PIPOX: variants seen among roughly 807,000 people sequenced by gnomAD.
The protein encoded by PIPOX is pipecolic acid and sarcosine oxidase.
Under a neutral mutation model 47.9 loss-of-function variants are expected in PIPOX, and 45 were observed. The ratio of observed to expected loss-of-function variants is 0.94; its 90% CI spans 0.74 to 1.20. The LOEUF is 1.20. PIPOX is among the 50% of genes most tolerant of loss of function. The probability of loss-of-function intolerance (pLI) is 0.00; values close to 1 mark genes in which losing one functional copy is unlikely to be tolerated. For missense variants in PIPOX, 458 were observed against 498.4 expected (o/e 0.92, Z 0.77); for synonymous variants, 165 against 191.3 (o/e 0.86, Z 1.13).
chr17:29,045,395 G>C (rs1258372219), intron 2 of PIPOX, among the ~76,000 whole-genome samples: 1 of 144,232 alleles, frequency 6.9e-6, no homozygotes, highest in Non-Finnish European at 1.5e-5. Flanking sequence ...GCTGCTTTCA[G>C]GAGGATTCTT....
At chr17:29,043,361 C>A (rs890935752) in intron 1 of PIPOX, 22 bp downstream of exon 1, 1 of 1,553,094 alleles carries the variant, frequency 6.4e-7, no homozygotes, top group Non-Finnish European at 8.9e-7. Context: ...CTTCTGCACC[C>A]CCAGCTGTAA....
intron 6 of PIPOX, 139 bp from the exon 7 acceptor site, chr17:29,055,674 G>T: frequency 1.3e-6 from 1 of 747,810 alleles, no homozygotes; most frequent in Middle Eastern, 2.4e-4. Flanking sequence ...AGAGGGGCAC[G>T]GGCATGCGGA....
At chr17:29,045,557 C>T (rs922066225) in intron 2 of PIPOX, among the ~76,000 whole-genome samples, 15 of 151,530 alleles carry the variant, frequency 9.9e-5, no homozygotes, top group South Asian at 4.2e-4. Flanking sequence ...ACTACAGGTG[C>T]GCACCACCAC....
At position 29,054,949 on chromosome 17, in the gene PIPOX, T is replaced by C. The variant is rs554825660; in HGVS notation, c.808-114T>C. Reference sequence around the variant, plus strand: ...GACAGCCCACAGCACCTGCCAGGAGTGGGGAAGGCTGGAATGATGGATGGG... The same window carrying C: ...GACAGCCCACAGCACCTGCCAGGAGCGGGGAAGGCTGGAATGATGGATGGG... On this transcript the variant is annotated intron_variant, in intron 5 of 7. Transcript: ENST00000323372. 5 of 1,399,720 alleles carry C rather than the reference T, an allele frequency of 3.6e-6. No homozygotes were observed. The South Asian group carries it at 6.3e-5, about 18-fold the overall frequency. The allele number at this position is 1,399,720 out of a possible 1,614,324, so 86.7% of individuals were successfully genotyped here. A position where few individuals can be genotyped will look rare whatever the true frequency, so the allele number is the denominator to read the frequency against.
At chr17:29,052,092 C>T in intron 2 of PIPOX, 1 of 465,196 alleles carries the variant, frequency 2.1e-6, no homozygotes, top group Non-Finnish European at 4.5e-6. Context: ...AGGACCCTTT[C>T]CACAAAACAG....
Position 29,053,498 on chromosome 17 carries a change from C to A in PIPOX, c.563C>A (p.Thr188Asn). 1.2e-6 allele frequency: 2 copies of A among 1,614,168 alleles called. No individual in the cohort carries two copies. Among genetic ancestry groups the A allele is most frequent in the South Asian group, 1.1e-5 (1 of 91,080 alleles). The change falls in exon 4 of 8, where the codon ACC becomes AAC. Residue 188 changes from threonine (T) to asparagine (N), a missense_variant. Transcript: ENST00000323372. The stretch of plus-strand genomic sequence containing the variant: ...CCAGGGCTACTGGTCACGGTGAAAA[C>A]CACCTCCAGGAGCTACCAAGCTAAG... ...INPGLLVTVK[T>N]TSRSYQAKSL...
rs1025505783 is a variant in PIPOX, at chr17:29,056,659, G to A, written c.*354G>A. 8 of 243,446 alleles carry A rather than the reference G, an allele frequency of 3.3e-5. No homozygotes were observed. 15.1% of individuals were successfully genotyped at this position (243,446 alleles called of 1,614,324 possible). ...CAGTAAGAAGAGGGCACAAGAACTG[G>A]CTCTGGAGACCAAAGCAGTTGTTAA... On this transcript the variant is annotated 3_prime_UTR_variant, in exon 8 of 8. Transcript: ENST00000323372.
intron 2 of PIPOX, among the ~76,000 whole-genome samples, chr17:29,045,403 CTTTT>C (rs57047541): frequency 8.5e-3 from 434 of 50,940 alleles, no homozygotes; most frequent in Middle Eastern, 0.031. Context: ...CAGGAGGATT[CTTTT>C]TTTTTTTTTT....
intron 1 of PIPOX, 110 bp from the exon 2 acceptor site, chr17:29,044,749 T>C: frequency 8.7e-7 from 1 of 1,144,078 alleles, no homozygotes; most frequent in Non-Finnish European, 1.2e-6. Context: ...GTGGAAATAT[T>C]TGAAGGATAA....
In PIPOX at chr17:29,043,232, G is replaced by A. The variant is rs777750279; in HGVS notation, c.7G>A (p.Ala3Thr). Residue 3 changes from alanine to threonine, a missense_variant, in exon 1 of 8, where the codon GCT (alanine) becomes ACT (threonine). Coordinates refer to ENST00000323372, the MANE Select transcript of PIPOX (RefSeq NM_016518.3). Reference sequence around the variant, plus strand: ...TGTGGGGCTGAGTGGCATCATGGCGGCTCAGAAAGATCTCTGGGACGCCAT... The same window carrying A: ...TGTGGGGCTGAGTGGCATCATGGCGACTCAGAAAGATCTCTGGGACGCCAT... Reference protein sequence around the residue: MAAQKDLWDAIVI... With the variant: MATQKDLWDAIVI... 5.0e-6 allele frequency: 8 copies of A among 1,610,954 alleles called. No homozygotes were observed. In the South Asian group the frequency reaches 7.7e-5, roughly 16 times the overall value.
intron 2 of PIPOX, among the ~76,000 whole-genome samples, chr17:29,046,085 G>A (rs1418627417): frequency 6.6e-6 from 1 of 152,164 alleles, no homozygotes; most frequent in Non-Finnish European, 1.5e-5. Flanking sequence ...AGAGGTTAGT[G>A]TTCTGTTGCA....
At chr17:29,043,995 A>T (rs907100308) in intron 1 of PIPOX, among the ~76,000 whole-genome samples, 3 of 152,082 alleles carry the variant, frequency 2.0e-5, no homozygotes, top group Admixed American at 1.3e-4. Flanking sequence ...CCAGCTATCC[A>T]CTGCAGTGGA....
At chr17:29,055,304 C>A in intron 6 of PIPOX, 83 bp downstream of exon 6, 5 of 1,511,528 alleles carry the variant, frequency 3.3e-6, no homozygotes, top group Non-Finnish European at 2.7e-6. Flanking sequence ...CTGGCCAGGC[C>A]CGATTGTTTG....
rs1048678854 is a variant in PIPOX at position 29,043,213 on chromosome 17, G to A, written c.-13G>A. On this transcript the variant is annotated 5_prime_UTR_variant, in exon 1 of 8. Coordinates refer to ENST00000323372, the MANE Select transcript of PIPOX (RefSeq NM_016518.3). The stretch of plus-strand genomic sequence containing the variant: ...GCCTTTGAGGCTCTGTGGCTGTGGG[G>A]CTGAGTGGCATCATGGCGGCTCAGA... 3.8e-6 allele frequency: 6 copies of A among 1,599,594 alleles called. No homozygotes were observed. In the Admixed American group the frequency reaches 1.0e-4, roughly 27 times the overall value.
chr17:29,053,671 G>A (rs2065816180), intron 4 of PIPOX, 76 bp downstream of exon 4: 1 of 1,153,878 alleles, frequency 8.7e-7, no homozygotes. Flanking sequence ...TTTGAGTCCT[G>A]GATCTGCCTC....
rs990337716 is a variant in PIPOX at position 29,044,983 on chromosome 17, A to G, written c.239A>G (p.His80Arg). 1.2e-6 allele frequency: 2 copies of G among 1,610,990 alleles called. No homozygotes were observed. Among genetic ancestry groups the G allele is most frequent in the South Asian group, 1.1e-5 (1 of 90,630 alleles). The change falls in exon 2 of 8, where the codon CAC becomes CGC. Residue 80 changes from histidine to arginine, a missense_variant. Physicochemically the swap from His to Arg is conservative, Grantham distance 29. Transcript: ENST00000323372. ...TATCAGATATGGGCCCAGCTGGAGC[A>G]CGAGGCTGGAACCCAATTGCACAGG... is the stretch of plus-strand genomic sequence containing the variant. ...ECYQIWAQLE[H>R]EAGTQLHRQT...
At chr17:29,050,065 G>A (rs1328915711) in intron 2 of PIPOX, among the ~76,000 whole-genome samples, 3 of 152,140 alleles carry the variant, frequency 2.0e-5, no homozygotes, top group Non-Finnish European at 4.4e-5. Context: ...AGATATGCCC[G>A]TTGTCTTGGC....
At chr17:29,054,798 G>C in intron 5 of PIPOX, 107 bp downstream of exon 5, 1 of 1,314,356 alleles carries the variant, frequency 7.6e-7, no homozygotes, top group Non-Finnish European at 1.1e-6. Flanking sequence ...GCCAGCAGCA[G>C]GAGCCTGCTT....
At position 29,043,278 on chromosome 17, in the gene PIPOX, A is replaced by AG. The variant is rs758896147; in HGVS notation, c.56dup (p.Cys20LeufsTer51). 2 of 1,613,730 alleles carry AG rather than the reference A, an allele frequency of 1.2e-6. No individual in the cohort carries two copies. Among genetic ancestry groups the AG allele is most frequent in the Non-Finnish European group, 1.7e-6 (2 of 1,179,768 alleles). ...GCCATTGTGATTGGGGCGGGGATCCAGGGCTGCTTCACTGCATACCACCTG... is the reference window on the plus strand; with the variant it reads ...GCCATTGTGATTGGGGCGGGGATCCAGGGGCTGCTTCACTGCATACCACCTG... On this transcript the variant is annotated frameshift_variant, in exon 1 of 8. Transcript: ENST00000323372. LOFTEE classifies it high-confidence loss of function.
Sources: allele counts gnomAD v4.1 joint callset (sites outside exome capture counted in the v4.1 genomes callset), GRCh38; gene constraint gnomAD v4.1.1; transcripts MANE v1.5; gene names NCBI Gene and HGNC (gene_info 2026-07-23, HGNC 2026-07-21).